Variants in MROH9 observed in about 807,000 individuals in gnomAD.
The protein encoded by MROH9 is maestro heat-like repeat-containing protein family member 9.
MROH9 carries 92 observed loss-of-function variants against 98.2 expected under a neutral mutation model. That is an observed-to-expected ratio of 0.94 (90% CI 0.79 to 1.11). MROH9 has a LOEUF of 1.11. Among genes scored for constraint, MROH9 ranks in the 50% most tolerant of loss-of-function variants. MROH9 has a pLI of 0.00. For synonymous variants in MROH9, 397 were observed against 368.9 expected (o/e 1.08, Z -0.87); for missense variants, 1,057 against 1,014.8 (o/e 1.04, Z -0.57).
chr1:170,986,856 TA>T lies in MROH9; in HGVS notation c.879+149del, dbSNP rs1012380587. ...CAATATAATGAGGCTTTTGGTTTTTTAAATTTTACTTAGAGACAGGGTCTTG... is the reference window on the plus strand; with the variant it reads ...CAATATAATGAGGCTTTTGGTTTTTTAATTTTACTTAGAGACAGGGTCTTG... On this transcript the variant is annotated intron_variant, in intron 10 of 21. Coordinates refer to ENST00000367759, the MANE Select transcript of MROH9 (RefSeq NM_001163629.2). The T allele has an allele frequency of 4.8e-5, 45 of 937,254 alleles. No individual in the cohort carries two copies. The African/African-American group carries it at 7.2e-4, about 15-fold the overall frequency. 58.1% of individuals were successfully genotyped at this position (937,254 alleles called of 1,614,324 possible). A position where few individuals can be genotyped will look rare whatever the true frequency, so the allele number is the denominator to read the frequency against.
At chr1:170,949,438 G>A (rs185369248) in intron 3 of MROH9, among the ~76,000 whole-genome samples, 14 of 152,142 alleles carry the variant, frequency 9.2e-5, no homozygotes, top group Admixed American at 6.5e-4. Flanking sequence ...GTTCCTTTAC[G>A]CTTTGCTAAA....
intron 20 of MROH9, among the ~76,000 whole-genome samples, chr1:171,047,110 A>G (rs1322190014): frequency 6.6e-6 from 1 of 151,776 alleles, no homozygotes; most frequent in African/African-American, 2.4e-5. Context: ...TTTATCCTTG[A>G]CCTTTGGGAG....
At chr1:170,953,252 T>C (rs1344032540) in intron 3 of MROH9, among the ~76,000 whole-genome samples, 1 of 152,128 alleles carries the variant, frequency 6.6e-6, no homozygotes, top group East Asian at 1.9e-4. Flanking sequence ...TTATTGAGTG[T>C]AAAATGTATG....
At chr1:170,985,473 CA>C (rs892693490) in intron 9 of MROH9, among the ~76,000 whole-genome samples, 18 of 152,124 alleles carry the variant, frequency 1.2e-4, no homozygotes, top group African/African-American at 4.3e-4. Context: ...TAATATTTTA[CA>C]AAGCAAACCT....
intron 15 of MROH9, among the ~76,000 whole-genome samples, chr1:171,003,659 T>C (rs1006363134): frequency 5.3e-5 from 8 of 152,254 alleles, no homozygotes; most frequent in African/African-American, 1.9e-4. Context: ...GAGGGTGCAA[T>C]GGACTCTGTG....
chr1:170,940,094 C>T (rs958735459), intron 1 of MROH9, among the ~76,000 whole-genome samples: 13 of 152,176 alleles, frequency 8.5e-5, no homozygotes, highest in African/African-American at 2.9e-4. Context: ...GAGTAACACA[C>T]CCAAATGAGA....
intron 13 of MROH9, among the ~76,000 whole-genome samples, chr1:170,995,957 G>A (rs1230404735): frequency 6.6e-6 from 1 of 152,138 alleles, no homozygotes; most frequent in Non-Finnish European, 1.5e-5. Context: ...TTTGTGAACT[G>A]GAAAGTTAAT....
chr1:171,033,987 A>G (rs930163308), intron 20 of MROH9, among the ~76,000 whole-genome samples: 3 of 152,148 alleles, frequency 2.0e-5, no homozygotes, highest in African/African-American at 7.2e-5. Flanking sequence ...AAGTTATGGA[A>G]CTGCACGATT....
At chr1:170,944,356 A>G (rs1649238165) in intron 1 of MROH9, among the ~76,000 whole-genome samples, 1 of 152,004 alleles carries the variant, frequency 6.6e-6, no homozygotes, top group Non-Finnish European at 1.5e-5. Flanking sequence ...AAGGAGAAAA[A>G]CATCAAATAA....
intron 8 of MROH9, among the ~76,000 whole-genome samples, chr1:170,976,560 A>C (rs1650698839): frequency 6.6e-6 from 1 of 152,188 alleles, no homozygotes; most frequent in African/African-American, 2.4e-5. Flanking sequence ...CAGCCTGGCC[A>C]ACATGGTGAA....
intron 19 of MROH9, 93 bp from the exon 20 acceptor site, chr1:171,025,225 G>T: frequency 1.4e-6 from 1 of 691,446 alleles, no homozygotes; most frequent in South Asian, 1.8e-5. Flanking sequence ...TTTCTAATTT[G>T]GTCCTGATTT....
chr1:170,983,270 T>C, intron 8 of MROH9, 152 bp from the exon 9 acceptor site: 1 of 579,308 alleles, frequency 1.7e-6, no homozygotes, highest in Non-Finnish European at 3.0e-6. Context: ...TGCCATAAAA[T>C]TTTATGAGAC....
At chr1:171,053,950 C>T (rs559537478) in intron 20 of MROH9, among the ~76,000 whole-genome samples, 66 of 151,870 alleles carry the variant, frequency 4.3e-4, no homozygotes, top group Admixed American at 3.3e-3. Flanking sequence ...GAGATGATGG[C>T]CAAGAATTTT....
chr1:170,947,902 C>T (rs548935456), intron 3 of MROH9, among the ~76,000 whole-genome samples: 35 of 152,114 alleles, frequency 2.3e-4, no homozygotes, highest in African/African-American at 8.4e-4. Context: ...ATTTTCCCTT[C>T]CATCATCACT....
intron 15 of MROH9, among the ~76,000 whole-genome samples, chr1:171,002,963 G>A (rs28810106): frequency 0.14 from 21,190 of 151,848 alleles, 1,650 homozygotes; most frequent in African/African-American, 0.21. Context: ...TACTCTTTTT[G>A]TCTTTGTTGG....
intron 21 of MROH9, among the ~76,000 whole-genome samples, chr1:171,063,852 G>A (rs974962063): frequency 2.0e-5 from 3 of 152,096 alleles, no homozygotes; most frequent in African/African-American, 7.2e-5. Flanking sequence ...GCACATAAAA[G>A]GTCCTTGGTA....
intron 8 of MROH9, among the ~76,000 whole-genome samples, chr1:170,981,894 T>C (rs1393231715): frequency 6.6e-6 from 1 of 152,160 alleles, no homozygotes; most frequent in African/African-American, 2.4e-5. Context: ...TATAATGAGA[T>C]ACCACTACAC....
At chr1:170,972,213 T>C (rs1384824162) in intron 8 of MROH9, among the ~76,000 whole-genome samples, 11 of 152,108 alleles carry the variant, frequency 7.2e-5, no homozygotes, top group African/African-American at 2.2e-4. Context: ...TTTTTTTCTG[T>C]CTAATTGAGT....
chr1:171,013,497 A>G (rs1232356236), intron 15 of MROH9, among the ~76,000 whole-genome samples: 3 of 152,120 alleles, frequency 2.0e-5, no homozygotes, highest in Non-Finnish European at 4.4e-5. Flanking sequence ...TGGAAAAAAA[A>G]TGTCTTCCAA....
Sources: allele counts gnomAD v4.1 joint callset (sites outside exome capture counted in the v4.1 genomes callset), GRCh38; gene constraint gnomAD v4.1.1; transcripts MANE v1.5; gene names NCBI Gene and HGNC (gene_info 2026-07-23, HGNC 2026-07-21).